IMMP2L: variants seen among roughly 807,000 people sequenced by gnomAD.
The protein encoded by IMMP2L is inner mitochondrial membrane peptidase subunit 2.
Under a neutral mutation model 19.3 loss-of-function variants are expected in IMMP2L, and 18 were observed. The ratio of observed to expected loss-of-function variants is 0.93; its 90% confidence interval spans 0.64 to 1.38. The LOEUF (loss-of-function observed/expected upper bound fraction) is 1.38, where lower values mean the gene tolerates loss of function less well. Among genes scored for constraint, IMMP2L ranks in the 40% most tolerant of loss-of-function variants. IMMP2L has a pLI of 0.00. For missense variants in IMMP2L, 233 were observed against 218.2 expected (o/e 1.07, Z -0.43); for synonymous variants, 76 against 73.0 (o/e 1.04, Z -0.21).
At chr7:111,024,705 C>T (rs751456481) in intron 3 of IMMP2L, among the ~76,000 whole-genome samples, 8 of 152,122 alleles carry the variant, frequency 5.3e-5, no homozygotes, top group Admixed American at 2.0e-4. Context: ...CAATAACTAT[C>T]ACACATCTAG....
At chr7:111,489,130 G>A (rs370112408) in intron 2 of IMMP2L, among the ~76,000 whole-genome samples, 1 of 134,750 alleles carries the variant, frequency 7.4e-6, no homozygotes, top group African/African-American at 2.8e-5. Context: ...TGCAATCTCC[G>A]CCTCCCGGGT....
rs114850647 is a variant in IMMP2L at position 110,954,178 on chromosome 7, G to A, written c.305+9322C>T. The stretch of plus-strand genomic sequence containing the variant: ...AAGCACACATTATTTTTGCAATTAA[G>A]AAGGAGGCTACAGATCTCCTTCTCA... On this transcript the variant is annotated intron_variant, in intron 4 of 5. Transcript: ENST00000405709. 2.6e-3 allele frequency among the ~76,000 whole-genome samples: 395 copies of A among 152,104 alleles called. 1 individual carries two copies. The highest frequency in any genetic ancestry group is 9.1e-3 in the African/African-American group (379 of 41,516).
At chr7:111,489,632 T>A (rs1470860231) in intron 2 of IMMP2L, among the ~76,000 whole-genome samples, 2 of 152,184 alleles carry the variant, frequency 1.3e-5, no homozygotes, top group Non-Finnish European at 2.9e-5. Flanking sequence ...AAGCAAGAGT[T>A]GACAAATATG....
intron 3 of IMMP2L, among the ~76,000 whole-genome samples, chr7:111,207,951 C>T (rs1562927448): frequency 6.6e-6 from 1 of 152,142 alleles, no homozygotes; most frequent in Non-Finnish European, 1.5e-5. Flanking sequence ...AATCCATCCT[C>T]GCTGTACCCT....
intron 3 of IMMP2L, among the ~76,000 whole-genome samples, chr7:111,418,185 T>C (rs1353364169): frequency 6.6e-6 from 1 of 151,808 alleles, no homozygotes; most frequent in Non-Finnish European, 1.5e-5. Context: ...TCAGTTGTGA[T>C]TTCTTTTCTC....
chr7:111,333,188 T>C (rs1826046509), intron 3 of IMMP2L, among the ~76,000 whole-genome samples: 1 of 152,182 alleles, frequency 6.6e-6, no homozygotes, highest in African/African-American at 2.4e-5. Flanking sequence ...TACCAGCACG[T>C]GACCAGTTGC....
chr7:110,777,010 G>C (rs1466016061), intron 5 of IMMP2L, among the ~76,000 whole-genome samples: 1 of 151,898 alleles, frequency 6.6e-6, no homozygotes, highest in African/African-American at 2.4e-5. Flanking sequence ...TCTAAGACAG[G>C]GTTTGTTAAT....
At chr7:111,030,735 C>T (rs1028568019) in intron 3 of IMMP2L, among the ~76,000 whole-genome samples, 1 of 151,714 alleles carries the variant, frequency 6.6e-6, no homozygotes, top group Non-Finnish European at 1.5e-5. Context: ...ATTTACTATA[C>T]TTTAGAGCAA....
chr7:110,779,953 A>C (rs765706551), intron 5 of IMMP2L, among the ~76,000 whole-genome samples: 1 of 151,912 alleles, frequency 6.6e-6, no homozygotes, highest in Non-Finnish European at 1.5e-5. Context: ...CGTTGGCTAT[A>C]AAAGAAATAA....
chr7:111,154,081 A>G (rs1186239564), intron 3 of IMMP2L, among the ~76,000 whole-genome samples: 1 of 152,070 alleles, frequency 6.6e-6, no homozygotes, highest in Admixed American at 6.6e-5. Context: ...AAGGATCCCC[A>G]CTAATTTCAC....
At chr7:111,063,321 G>A (rs563641996) in intron 3 of IMMP2L, among the ~76,000 whole-genome samples, 2 of 152,220 alleles carry the variant, frequency 1.3e-5, no homozygotes, top group East Asian at 3.9e-4. Context: ...GGGATGCAGG[G>A]CACCAAGTCC....
chr7:110,665,900 G>A (rs941758310), intron 5 of IMMP2L, among the ~76,000 whole-genome samples: 12 of 151,884 alleles, frequency 7.9e-5, no homozygotes, highest in Non-Finnish European at 4.4e-5. Flanking sequence ...GATCCTGTCC[G>A]AATCACTTAT....
intron 1 of IMMP2L, among the ~76,000 whole-genome samples, chr7:111,529,719 C>G (rs191496319): frequency 1.3e-5 from 2 of 152,104 alleles, no homozygotes; most frequent in Admixed American, 1.3e-4. Flanking sequence ...GAAGCTAAGC[C>G]CTATAAAATT....
rs1382065271 is a variant in IMMP2L, at chr7:110,870,003, C to T, written c.408+16590G>A. On this transcript the variant is annotated intron_variant, in intron 5 of 5. Transcript: ENST00000405709. This position sits in a 1 kb window ranked among gnomAD's most constrained non-coding sequence, Gnocchi z 4.2. The stretch of plus-strand genomic sequence containing the variant: ...TAAGACAATAATTTCTTTTGGTGTC[C>T]CCAGATATTTCTACCATTCTACCCC... Among the ~76,000 whole-genome samples, 1 of 151,932 alleles carries T rather than the reference C, an allele frequency of 6.6e-6. No homozygotes were observed. The highest frequency in any genetic ancestry group is 6.6e-5 in the Admixed American group (1 of 15,230).
At chr7:110,754,039 T>G (rs1797894807) in intron 5 of IMMP2L, among the ~76,000 whole-genome samples, 1 of 152,010 alleles carries the variant, frequency 6.6e-6, no homozygotes, top group Non-Finnish European at 1.5e-5. Context: ...CACATTTATT[T>G]CACTATCAAA....
chr7:111,458,855 G>T (rs1473449018), intron 3 of IMMP2L, among the ~76,000 whole-genome samples: 1 of 152,070 alleles, frequency 6.6e-6, no homozygotes, highest in Non-Finnish European at 1.5e-5. Flanking sequence ...ATGTCTCCTT[G>T]AATGACTGGA....
intron 3 of IMMP2L, among the ~76,000 whole-genome samples, chr7:111,420,490 T>C (rs1349919668): frequency 6.6e-6 from 1 of 151,796 alleles, no homozygotes; most frequent in Middle Eastern, 3.2e-3. Flanking sequence ...ATGTGCCATC[T>C]TGGTTTGCTG....
chr7:111,329,594 G>A (rs554244851), intron 3 of IMMP2L, among the ~76,000 whole-genome samples: 1 of 151,840 alleles, frequency 6.6e-6, no homozygotes, highest in Non-Finnish European at 1.5e-5. Context: ...TAACAGAAAG[G>A]AGACTTGAAA....
chr7:110,859,571 C>T (rs1296560391), intron 5 of IMMP2L, among the ~76,000 whole-genome samples: 1 of 151,308 alleles, frequency 6.6e-6, no homozygotes, highest in African/African-American at 2.4e-5. Context: ...GGAGAAATCC[C>T]GTCTCTACAA....
Sources: allele counts gnomAD v4.1 joint callset (sites outside exome capture counted in the v4.1 genomes callset), GRCh38; gene constraint gnomAD v4.1.1; non-coding constraint Gnocchi (gnomAD v3.1); transcripts MANE v1.5; gene names NCBI Gene and HGNC (gene_info 2026-07-23, HGNC 2026-07-21).